The following CUBN variants were observed in gnomAD, a reference collection of about 807,000 sequenced individuals.
The protein encoded by CUBN is cubilin.
In CUBN, 282 loss-of-function variants were observed where a neutral mutation model predicts 405.3. The observed-to-expected ratio is 0.70, with a 90% CI of 0.63 to 0.77. The LOEUF (loss-of-function observed/expected upper bound fraction) is 0.77, where lower values mean the gene tolerates loss of function less well. Among genes scored for constraint, CUBN ranks in the 30% least tolerant of loss-of-function variants. The pLI is 0.00. For synonymous variants in CUBN, 1,684 were observed against 1,617.0 expected (o/e 1.04, Z -0.99); for missense variants, 4,514 against 4,475.2 (o/e 1.01, Z -0.25).
chr10:17,123,190 TA>T (rs1233560586), intron 5 of CUBN, among the ~76,000 whole-genome samples: 1 of 152,156 alleles, frequency 6.6e-6, no homozygotes, highest in Non-Finnish European at 1.5e-5. Context: ...AATACTTACT[TA>T]ACTTTTTTTT....
At chr10:16,919,876 T>C in intron 44 of CUBN, 87 bp downstream of exon 44, 1 of 1,349,530 alleles carries the variant, frequency 7.4e-7, no homozygotes, top group Non-Finnish European at 1.0e-6. Context: ...CAGTATGTGC[T>C]ACTGAAAGAA....
At chr10:16,973,984 C>T (rs916495247) in intron 31 of CUBN, among the ~76,000 whole-genome samples, 2 of 152,130 alleles carry the variant, frequency 1.3e-5, no homozygotes, top group African/African-American at 4.8e-5. Context: ...CTTCTAAGTG[C>T]ATTTCTGCTC....
At chr10:16,978,061 T>TC (rs143503043) in intron 31 of CUBN, among the ~76,000 whole-genome samples, 1,645 of 152,366 alleles carry the variant, frequency 0.011, 29 homozygotes, top group African/African-American at 0.038. Context: ...TCTCATTATT[T>TC]CATGGCTTCA....
intron 54 of CUBN, among the ~76,000 whole-genome samples, chr10:16,895,048 T>C (rs1311564113): frequency 6.6e-6 from 1 of 152,170 alleles, no homozygotes; most frequent in Non-Finnish European, 1.5e-5. Flanking sequence ...CAGAAAATGA[T>C]GAAAGACAGG....
intron 26 of CUBN, among the ~76,000 whole-genome samples, chr10:17,041,768 CGTTCTCCCTCTA>C (rs1038245522): frequency 2.0e-5 from 3 of 152,018 alleles, no homozygotes; most frequent in Non-Finnish European, 4.4e-5. Flanking sequence ...ATAAAGGCTC[CGTTCTCCCTCTA>C]GTTAGTCATC....
intron 6 of CUBN, among the ~76,000 whole-genome samples, chr10:17,121,377 T>C (rs1837036140): frequency 6.6e-6 from 1 of 152,060 alleles, no homozygotes; most frequent in Admixed American, 6.6e-5. Context: ...AAAAAAATGA[T>C]GAGTTCATGT....
chr10:16,919,399 C>T (rs554379681), intron 44 of CUBN, among the ~76,000 whole-genome samples: 13 of 152,204 alleles, frequency 8.5e-5, no homozygotes, highest in Non-Finnish European at 1.6e-4. Context: ...TGTATACATA[C>T]TTTTGTTCAA....
intron 10 of CUBN, among the ~76,000 whole-genome samples, chr10:17,107,205 A>G (rs1836655488): frequency 6.6e-6 from 1 of 152,208 alleles, no homozygotes; most frequent in African/African-American, 2.4e-5. Context: ...GGTTAAAAAT[A>G]CTCGTCATAG....
At chr10:17,049,307 T>G (rs990618852) in intron 22 of CUBN, among the ~76,000 whole-genome samples, 1 of 152,220 alleles carries the variant, frequency 6.6e-6, no homozygotes, top group Non-Finnish European at 1.5e-5. Flanking sequence ...ACAGACTCAT[T>G]GACCCACACA....
intron 22 of CUBN, among the ~76,000 whole-genome samples, chr10:17,063,938 G>C (rs1835556467): frequency 1.3e-5 from 2 of 152,176 alleles, no homozygotes; most frequent in Admixed American, 6.5e-5. Flanking sequence ...TCCAAATCCT[G>C]ATCTAATATT....
At chr10:16,934,655 G>T (rs1231830354) in intron 39 of CUBN, among the ~76,000 whole-genome samples, 3 of 152,186 alleles carry the variant, frequency 2.0e-5, no homozygotes, top group Admixed American at 1.3e-4. Context: ...ACACATGGTA[G>T]AACTGCATTC....
intron 48 of CUBN, among the ~76,000 whole-genome samples, chr10:16,908,046 C>T (rs1274922644): frequency 6.6e-6 from 1 of 152,178 alleles, no homozygotes; most frequent in East Asian, 1.9e-4. Context: ...CTTAACAATG[C>T]ATCAGGACAT....
chr10:16,904,581 A>C (rs942494768), intron 50 of CUBN, among the ~76,000 whole-genome samples: 24 of 152,260 alleles, frequency 1.6e-4, no homozygotes, highest in African/African-American at 5.3e-4. Flanking sequence ...ATTCAGGCCA[A>C]GAGCTGTCAG....
chr10:16,893,570 C>T (rs1841097219), intron 54 of CUBN, among the ~76,000 whole-genome samples: 1 of 152,188 alleles, frequency 6.6e-6, no homozygotes, highest in Non-Finnish European at 1.5e-5. Flanking sequence ...TCTCTGCTTT[C>T]CATTTCTAAA....
chr10:16,890,559 C>G, intron 54 of CUBN, 32 bp from the exon 55 acceptor site: 1 of 1,612,998 alleles, frequency 6.2e-7, no homozygotes, highest in Non-Finnish European at 8.5e-7. Flanking sequence ...CTTTAATGCT[C>G]AAGGGTTTCC....
At chr10:17,085,125 G>T (rs891091660) in intron 16 of CUBN, among the ~76,000 whole-genome samples, 1 of 152,132 alleles carries the variant, frequency 6.6e-6, no homozygotes, top group Non-Finnish European at 1.5e-5. Context: ...TTGTTTTAAG[G>T]TATCAAAGCA....
At chr10:16,877,504 C>A (rs1840545929) in intron 56 of CUBN, among the ~76,000 whole-genome samples, 1 of 152,148 alleles carries the variant, frequency 6.6e-6, no homozygotes. Context: ...ATACACAGGG[C>A]AGCACCTACA....
In CUBN at chr10:17,088,180, T is replaced by C. The variant is rs1193724349; in HGVS notation, c.1931A>G (p.Asn644Ser). The change falls in exon 15 of 67, where the codon AAC (asparagine) becomes AGC (serine). Residue 644 changes from asparagine (N) to serine (S), a missense_variant. Coordinates refer to ENST00000377833, the MANE Select transcript of CUBN (RefSeq NM_001081.4). ...ATTATTTACCTCAAGGTAATCTTTG[T>C]TGCAGTCATCATGGTGCTCGAGGCT... ...TLSLEHHDDC[N>S]KDYLEIRDGP... The C allele has an allele frequency of 6.2e-7, 1 of 1,612,758 alleles. No individual in the cohort carries two copies. The highest frequency in any genetic ancestry group is 1.3e-5 in the African/African-American group (1 of 75,028).
intron 31 of CUBN, among the ~76,000 whole-genome samples, chr10:16,975,624 CTTTTTTTTTTTTT>C (rs199779818): frequency 1.4e-4 from 17 of 124,346 alleles, no homozygotes; most frequent in African/African-American, 2.1e-4. Context: ...TAAAGACCTT[CTTTTTTTTTTTTT>C]TTTTTTTTTT....
Sources: gnomAD v4.1 joint callset for allele counts (sites outside exome capture counted in the v4.1 genomes callset) on GRCh38, gnomAD v4.1.1 for gene constraint, MANE v1.5 for transcripts, NCBI Gene and HGNC (gene_info 2026-07-23, HGNC 2026-07-21) for gene names.